PPEF1: variants seen among roughly 807,000 people sequenced by gnomAD.
The protein encoded by PPEF1 is protein phosphatase with EF-hand domain 1, also known as serine/threonine-protein phosphatase with EF-hands 1.
A neutral mutation model predicts 53.3 loss-of-function variants in PPEF1; 12 were observed. That is an observed-to-expected ratio of 0.23 (90% CI 0.14 to 0.36). The LOEUF (loss-of-function observed/expected upper bound fraction) is 0.36, where lower values mean the gene tolerates loss of function less well. Ranked by LOEUF, PPEF1 falls within the 10% of genes least tolerant of loss-of-function variation. The probability of loss-of-function intolerance (pLI) is 1.00; values close to 1 mark genes in which losing one functional copy is unlikely to be tolerated. For missense variants in PPEF1, 334 were observed against 490.4 expected, an observed-to-expected ratio of 0.68 and a Z score of 3.01; for synonymous variants, 165 against 176.7, an observed-to-expected ratio of 0.93 and a Z score of 0.52.
intron 13 of PPEF1, among the ~76,000 whole-genome samples, chrX:18,819,584 C>T (rs1157031511): frequency 9.0e-6 from 1 of 111,306 alleles, no homozygotes; most frequent in African/African-American, 3.3e-5. Context: ...ATCCCAGTTA[C>T]TTGGGAGGCT....
chrX:18,789,731 T>C (rs1252527424), intron 10 of PPEF1, among the ~76,000 whole-genome samples: 1 of 112,582 alleles, frequency 8.9e-6, no homozygotes, highest in African/African-American at 3.2e-5. Flanking sequence ...CTCAGCACAA[T>C]GTTCTGGAGG....
chrX:18,696,881 A>G (rs1929759426), intron 4 of PPEF1, among the ~76,000 whole-genome samples: 1 of 112,053 alleles, frequency 8.9e-6, no homozygotes. Flanking sequence ...ACCATCAAAT[A>G]GATCTGCACA....
At chrX:18,706,990 G>A (rs2044215616), upstream of PPEF1, among the ~76,000 whole-genome samples, 2 of 107,736 alleles carry the variant, frequency 1.9e-5, no homozygotes, top group Middle Eastern at 4.9e-3. Flanking sequence ...CACCATGCTT[G>A]GCTAATTTTT....
chrX:18,724,327 C>T (rs1290058796), intron 1 of PPEF1, among the ~76,000 whole-genome samples: 1 of 111,822 alleles, frequency 8.9e-6, no homozygotes, highest in Non-Finnish European at 1.9e-5. Flanking sequence ...AGATGATCCA[C>T]ATAAAGCACG....
chrX:18,691,792 C>A (rs1441792091), intron 4 of PPEF1, among the ~76,000 whole-genome samples: 1 of 111,850 alleles, frequency 8.9e-6, no homozygotes, highest in Non-Finnish European at 1.9e-5. Flanking sequence ...GGAATTCATG[C>A]AAAACATCCA....
rs764330476 is a variant in PPEF1, at chrX:18,794,234, G to T, written c.1065+4961G>T. ...CTCATCTGTGTCTTTCCCCGATTCA[G>T]TCTGTTAAATTTCTTCTAGCTGGGG... On this transcript the variant is annotated intron_variant, in intron 10 of 15. Transcript: ENST00000470157. Among the ~76,000 whole-genome samples, 85 of 113,116 alleles carry T rather than the reference G, an allele frequency of 7.5e-4. 1 individual carries two copies. The highest frequency in any genetic ancestry group is 4.5e-3 in the Admixed American group (48 of 10,741).
Position 18,713,420 on chromosome X carries a change from CTTT to C in PPEF1, c.46+5610_46+5612del, listed in dbSNP as rs55997147. Among the ~76,000 whole-genome samples the C allele has an allele frequency of 2.1e-3, 161 of 77,492 alleles. 2 individuals are homozygous for C. The East Asian group carries it at 0.057, about 27-fold the overall frequency. 67.3% of individuals were successfully genotyped at this position (77,492 alleles called of 115,157 possible). A position where few individuals can be genotyped will look rare whatever the true frequency, so the allele number is the denominator to read the frequency against. On this transcript the variant is annotated intron_variant, in intron 1 of 15. Coordinates refer to ENST00000470157, the MANE Select transcript of PPEF1 (RefSeq NM_001377996.1). ...TTGTTCAGAGTATTCCCTTAAAATTCTTTTTTTTTTTTTTTTTTCTTTACTGCT... is the reference window on the plus strand; with the variant it reads ...TTGTTCAGAGTATTCCCTTAAAATTCTTTTTTTTTTTTTTTCTTTACTGCT...
chrX:18,713,621 A>G (rs139386108), intron 1 of PPEF1, among the ~76,000 whole-genome samples: 3,055 of 110,894 alleles, frequency 0.028, 41 homozygotes, highest in Non-Finnish European at 0.044. Flanking sequence ...ATATTTATTC[A>G]TAGACAAACA....
At chrX:18,692,568 C>T (rs1929462470) in intron 4 of PPEF1, among the ~76,000 whole-genome samples, 1 of 111,925 alleles carries the variant, frequency 8.9e-6, no homozygotes, top group South Asian at 3.7e-4. Context: ...AACCCTTTTA[C>T]ATTTGGCTCC....
intron 5 of PPEF1, among the ~76,000 whole-genome samples, chrX:18,698,823 A>T (rs755710948): frequency 8.9e-6 from 1 of 111,818 alleles, no homozygotes; most frequent in East Asian, 2.8e-4. Flanking sequence ...TGCCAAGAGG[A>T]ATGAAACAGA....
At chrX:18,750,005 A>G in intron 4 of PPEF1, 53 bp downstream of exon 4, 1 of 1,050,466 alleles carries the variant, frequency 9.5e-7, no homozygotes, top group Non-Finnish European at 1.3e-6. Flanking sequence ...ATGCCCAATA[A>G]CTGTTGAAAG....
intron 3 of PPEF1, among the ~76,000 whole-genome samples, chrX:18,690,559 G>C (rs10458338): frequency 2.7e-5 from 3 of 110,914 alleles, no homozygotes; most frequent in Non-Finnish European, 5.7e-5. Flanking sequence ...GTTTTTAGTA[G>C]AGACAGGGTT....
chrX:18,760,758 C>T (rs974218508), intron 5 of PPEF1, among the ~76,000 whole-genome samples: 26 of 104,866 alleles, frequency 2.5e-4, no homozygotes, highest in Admixed American at 1.9e-3. Context: ...ATCACAGGTG[C>T]GCACCACCAA....
intron 10 of PPEF1, among the ~76,000 whole-genome samples, chrX:18,803,345 A>G (rs2046585771): frequency 8.9e-6 from 1 of 112,575 alleles, no homozygotes; most frequent in Non-Finnish European, 1.9e-5. Flanking sequence ...ATTCCCGTAA[A>G]CCCACAACCT....
intron 6 of PPEF1, among the ~76,000 whole-genome samples, chrX:18,763,644 G>C (rs2045711329): frequency 1.8e-5 from 2 of 110,940 alleles, no homozygotes; most frequent in Admixed American, 1.9e-4. Context: ...ATTATCTTGA[G>C]CTTCCACCCC....
intron 6 of PPEF1, among the ~76,000 whole-genome samples, chrX:18,773,176 A>G (rs955101433): frequency 1.8e-5 from 2 of 112,680 alleles, no homozygotes; most frequent in African/African-American, 6.4e-5. Context: ...TCTGAATAAC[A>G]CACTGTGTAT....
intron 7 of PPEF1, among the ~76,000 whole-genome samples, chrX:18,781,122 G>C (rs2046076994): frequency 1.8e-5 from 2 of 110,202 alleles, no homozygotes; most frequent in South Asian, 7.8e-4. Context: ...CTTGAGTTTG[G>C]GGGTACAGCG....
intron 1 of PPEF1, among the ~76,000 whole-genome samples, chrX:18,683,673 A>G (rs1168529590): frequency 8.9e-6 from 1 of 111,895 alleles, no homozygotes; most frequent in Admixed American, 9.4e-5. Flanking sequence ...TGCTTTGGTG[A>G]TGTGTCTGGC....
chrX:18,820,604 G>C (rs1337599173), intron 13 of PPEF1, among the ~76,000 whole-genome samples: 2 of 110,683 alleles, frequency 1.8e-5, no homozygotes, highest in Admixed American at 9.6e-5. Context: ...CCAGAATGGT[G>C]TTGGTCTCCT....
Sources: gnomAD v4.1 joint callset for allele counts (sites outside exome capture counted in the v4.1 genomes callset) on GRCh38, gnomAD v4.1.1 for gene constraint, MANE v1.5 for transcripts, NCBI Gene and HGNC (gene_info 2026-07-23, HGNC 2026-07-21) for gene names.